CSRNP3: variants seen among roughly 807,000 people sequenced by gnomAD.
CSRNP3 encodes cysteine and serine rich nuclear protein 3, also known as cysteine/serine-rich nuclear protein 3.
A neutral mutation model predicts 48.0 loss-of-function variants in CSRNP3; 12 were observed. The ratio of observed to expected loss-of-function variants is 0.25; its 90% CI spans 0.16 to 0.41. CSRNP3 has a LOEUF of 0.41. Among genes scored for constraint, CSRNP3 ranks in the 10% least tolerant of loss-of-function variants. CSRNP3 has a pLI of 1.00. For missense variants in CSRNP3, 580 were observed against 724.4 expected (o/e 0.80, Z 2.29); for synonymous variants, 263 against 269.7 (o/e 0.98, Z 0.24).
Position 165,679,925 on chromosome 2 carries a change from C to A in CSRNP3, c.*172C>A. ...CTAGCCACATGACTGTGGCATTGCA[C>A]AAATACAGTCTCTGTAGGGATTTTA... On this transcript the variant is annotated 3_prime_UTR_variant, in exon 7 of 7. Transcript: ENST00000651982. 1 of 844,304 alleles carries A rather than the reference C, an allele frequency of 1.2e-6. No individual in the cohort carries two copies. Among genetic ancestry groups the A allele is most frequent in the Non-Finnish European group, 1.8e-6 (1 of 546,970 alleles). The allele number at this position is 844,304 out of a possible 1,614,324, so 52.3% of individuals were successfully genotyped here.
chr2:165,526,637 A>G (rs563894742), intron 3 of CSRNP3, among the ~76,000 whole-genome samples: 48 of 152,316 alleles, frequency 3.2e-4, no homozygotes, highest in Middle Eastern at 3.4e-3. Flanking sequence ...CTTTGAGTAT[A>G]CCCCTACTGT....
At chr2:165,638,957 G>A (rs754045760) in intron 4 of CSRNP3, among the ~76,000 whole-genome samples, 1 of 152,136 alleles carries the variant, frequency 6.6e-6, no homozygotes, top group Non-Finnish European at 1.5e-5. Flanking sequence ...TACCTGTTGA[G>A]CCTCTGGTCA....
At chr2:165,542,573 A>G (rs1684972506) in intron 3 of CSRNP3, among the ~76,000 whole-genome samples, 1 of 152,168 alleles carries the variant, frequency 6.6e-6, no homozygotes, top group South Asian at 2.1e-4. Flanking sequence ...TAATAGCTGC[A>G]TAATATTATA....
Position 165,592,841 on chromosome 2 carries a change from G to A in CSRNP3, c.-23-2202G>A, listed in dbSNP as rs370002888. On this transcript the variant is annotated intron_variant, in intron 3 of 6. Coordinates refer to ENST00000651982, the MANE Select transcript of CSRNP3 (RefSeq NM_001172173.2). ...TTTTGAGACGGAGTCTCGCTCTGTC[G>A]CCCAGGCTGGAGTGCAGTGGCGGGA... is the stretch of plus-strand genomic sequence containing the variant. Among the ~76,000 whole-genome samples the A allele has an allele frequency of 2.2e-4, 28 of 127,864 alleles. No homozygotes were observed. The East Asian group carries it at 3.3e-3, about 15-fold the overall frequency. 83.9% of individuals were successfully genotyped at this position (127,864 alleles called of 152,430 possible).
At chr2:165,639,695 A>G (rs1272856541) in intron 4 of CSRNP3, among the ~76,000 whole-genome samples, 2 of 152,186 alleles carry the variant, frequency 1.3e-5, no homozygotes, top group African/African-American at 2.4e-5. Context: ...TGGAAAGGGC[A>G]TTGCTGTGAA....
At chr2:165,496,653 T>C (rs16850769) in intron 2 of CSRNP3, among the ~76,000 whole-genome samples, 2,404 of 151,968 alleles carry the variant, frequency 0.016, 59 homozygotes, top group African/African-American at 0.054. Context: ...ACTGCAGGAG[T>C]TACCTACTAT....
At chr2:165,674,542 C>G (rs1687386920) in intron 5 of CSRNP3, among the ~76,000 whole-genome samples, 1 of 150,054 alleles carries the variant, frequency 6.7e-6, no homozygotes, top group African/African-American at 2.5e-5. Context: ...TTAGATTATA[C>G]CAAGAGACAA....
chr2:165,681,760 T>TACAC lies in CSRNP3; in HGVS notation c.*2021_*2024dup, dbSNP rs371184548. On this transcript the variant is annotated 3_prime_UTR_variant, in exon 7 of 7. Transcript: ENST00000651982. ...ATATATATATATATATATATATATA[T>TACAC]ACACACACACACACACATACACATA... The TACAC allele has an allele frequency of 1.6e-4, 7 of 44,722 alleles. No homozygotes were observed. Among genetic ancestry groups the TACAC allele is most frequent in the East Asian group, 1.1e-3 (2 of 1,812 alleles). 2.8% of individuals were successfully genotyped at this position (44,722 alleles called of 1,614,324 possible).
intron 1 of CSRNP3, among the ~76,000 whole-genome samples, chr2:165,479,603 C>T (rs976890154): frequency 1.3e-5 from 2 of 152,038 alleles, no homozygotes; most frequent in African/African-American, 4.8e-5. Context: ...TATTAATCAG[C>T]TTATATTACT....
At chr2:165,481,108 G>T (rs1684036999) in intron 1 of CSRNP3, among the ~76,000 whole-genome samples, 1 of 151,998 alleles carries the variant, frequency 6.6e-6, no homozygotes, top group Non-Finnish European at 1.5e-5. Context: ...TCATGGCCTA[G>T]TTATTCAATG....
chr2:165,512,663 T>G (rs994980462), intron 2 of CSRNP3, among the ~76,000 whole-genome samples: 3 of 152,278 alleles, frequency 2.0e-5, no homozygotes, highest in African/African-American at 7.2e-5. Context: ...TTTTTGTTGT[T>G]TGGTAGACGA....
intron 1 of CSRNP3, among the ~76,000 whole-genome samples, chr2:165,486,008 G>T (rs1270952407): frequency 6.6e-6 from 1 of 152,142 alleles, no homozygotes; most frequent in African/African-American, 2.4e-5. Flanking sequence ...GAAGACGGGT[G>T]ATTTCTGCAT....
chr2:165,681,818 T>A lies in CSRNP3; in HGVS notation c.*2065T>A, dbSNP rs1279031585. 1.4e-5 allele frequency: 2 copies of A among 139,742 alleles called. No homozygotes were observed. Among genetic ancestry groups the A allele is most frequent in the African/African-American group, 2.6e-5 (1 of 37,760 alleles). 8.7% of individuals were successfully genotyped at this position (139,742 alleles called of 1,614,324 possible). A position where few individuals can be genotyped will look rare whatever the true frequency, so the allele number is the denominator to read the frequency against. ...ACATATATGTATGTGTGTGTGTGTG[T>A]GTGTGTGTGTGTATATATATATATC... On this transcript the variant is annotated 3_prime_UTR_variant, in exon 7 of 7. Transcript: ENST00000651982.
chr2:165,592,287 A>G (rs1030377637), intron 3 of CSRNP3, among the ~76,000 whole-genome samples: 75 of 152,278 alleles, frequency 4.9e-4, no homozygotes, highest in African/African-American at 1.7e-3. Flanking sequence ...CCCATTAGGA[A>G]CAGGTGTGTT....
intron 1 of CSRNP3, among the ~76,000 whole-genome samples, chr2:165,477,122 A>T (rs917324442): frequency 1.3e-5 from 2 of 152,152 alleles, no homozygotes; most frequent in East Asian, 3.8e-4. Context: ...AGAAGAGCAA[A>T]GATAGGACCT....
intron 5 of CSRNP3, among the ~76,000 whole-genome samples, chr2:165,668,274 G>T (rs1013224765): frequency 5.9e-5 from 9 of 152,060 alleles, no homozygotes; most frequent in African/African-American, 2.2e-4. Flanking sequence ...ACCTCCACAT[G>T]CCCAAAAAGT....
chr2:165,645,422 G>A (rs995074787), intron 4 of CSRNP3, among the ~76,000 whole-genome samples: 1 of 152,132 alleles, frequency 6.6e-6, no homozygotes, highest in African/African-American at 2.4e-5. Context: ...CCTCCCAAAT[G>A]CTCCACTATC....
chr2:165,663,761 T>A (rs1173510463), intron 5 of CSRNP3, among the ~76,000 whole-genome samples: 52 of 152,206 alleles, frequency 3.4e-4, no homozygotes, highest in African/African-American at 1.3e-3. Context: ...GTGGATTGTG[T>A]ACTTCTCTTC....
intron 5 of CSRNP3, among the ~76,000 whole-genome samples, chr2:165,666,546 A>G (rs779747498): frequency 2.3e-5 from 1 of 43,568 alleles, no homozygotes; most frequent in African/African-American, 7.0e-5. Flanking sequence ...GGAAGGAAGG[A>G]AGGAAAGAGA....
Sources: allele counts gnomAD v4.1 joint callset (sites outside exome capture counted in the v4.1 genomes callset), GRCh38; gene constraint gnomAD v4.1.1; transcripts MANE v1.5; gene names NCBI Gene and HGNC (gene_info 2026-07-23, HGNC 2026-07-21).